Variants in UBASH3A observed in about 807,000 individuals in gnomAD.
UBASH3A encodes the protein ubiquitin associated and SH3 domain containing A.
In UBASH3A, 63 loss-of-function variants were observed where a neutral mutation model predicts 73.5. That is an observed-to-expected ratio of 0.86 (90% confidence interval 0.70 to 1.06). UBASH3A has a LOEUF of 1.06. Ranked by LOEUF, UBASH3A falls within the 50% of genes least tolerant of loss-of-function variation. UBASH3A has a pLI of 0.00. For missense variants in UBASH3A, 860 were observed against 859.0 expected (o/e 1.00, Z -0.02); for synonymous variants, 363 against 351.1 (o/e 1.03, Z -0.38).
At chr21:42,426,985 C>CG (rs370109517) in intron 8 of UBASH3A, among the ~76,000 whole-genome samples, 165 bp downstream of exon 8, 53 of 152,264 alleles carry the variant, frequency 3.5e-4, no homozygotes, top group Admixed American at 6.5e-4. Flanking sequence ...CTGAGGGTGC[C>CG]GGGGGTCCTG....
chr21:42,428,711 G>T (rs1373388777), intron 8 of UBASH3A, among the ~76,000 whole-genome samples: 2 of 151,932 alleles, frequency 1.3e-5, no homozygotes, highest in East Asian at 1.9e-4. Context: ...CAGGTATTGG[G>T]TAGGGGGAGA....
At chr21:42,420,781 AT>A (rs2053323142) in intron 7 of UBASH3A, among the ~76,000 whole-genome samples, 1 of 150,330 alleles carries the variant, frequency 6.7e-6, no homozygotes, top group Admixed American at 6.6e-5. Context: ...TTAAAAAAAA[AT>A]GCCTTCCAAC....
intron 5 of UBASH3A, 40 bp from the exon 6 acceptor site, chr21:42,416,402 A>G: frequency 6.6e-7 from 1 of 1,513,194 alleles, no homozygotes. Flanking sequence ...CATTTAGGTA[A>G]CGGTGTCCTG....
chr21:42,416,312 A>T, intron 5 of UBASH3A, 130 bp from the exon 6 acceptor site: 2 of 905,906 alleles, frequency 2.2e-6, no homozygotes, highest in Non-Finnish European at 3.1e-6. Context: ...TTATGATGTG[A>T]GTTCTGAGCG....
chr21:42,409,986 TCATCTTTG>T, intron 3 of UBASH3A: 1 of 678,612 alleles, frequency 1.5e-6, no homozygotes, highest in Admixed American at 2.1e-5. Context: ...GATACCTCAC[TCATCTTTG>T]CACCCCCAGA....
At chr21:42,441,718 G>T (rs974898924) in intron 11 of UBASH3A, among the ~76,000 whole-genome samples, 1 of 152,116 alleles carries the variant, frequency 6.6e-6, no homozygotes, top group African/African-American at 2.4e-5. Flanking sequence ...TTGGGGGCCT[G>T]ATTAACTTGC....
chr21:42,436,109 A>G (rs891506955), intron 10 of UBASH3A, among the ~76,000 whole-genome samples: 1 of 152,174 alleles, frequency 6.6e-6, no homozygotes, highest in Admixed American at 6.5e-5. Flanking sequence ...ATAGAGTTAT[A>G]GAGTCATAGT....
chr21:42,417,697 G>A (rs2053242903), intron 6 of UBASH3A: 1 of 151,884 alleles, frequency 6.6e-6, no homozygotes, highest in African/African-American at 2.4e-5. Context: ...TTCAGACCCA[G>A]AGAGCACGTG....
In UBASH3A at chr21:42,426,677, G is replaced by C; in HGVS notation, c.1047-20G>C. On this transcript the variant is annotated intron_variant, in intron 7 of 14. Transcript: ENST00000319294. ...ACATGGTCTCACTTCTGTTCAAGCCGTGCTTTCCTTCCCCTGCAGGATGTA... is the reference window on the plus strand; with the variant it reads ...ACATGGTCTCACTTCTGTTCAAGCCCTGCTTTCCTTCCCCTGCAGGATGTA... 6.2e-7 allele frequency: 1 copy of C among 1,612,676 alleles called. No individual in the cohort carries two copies. The highest frequency in any genetic ancestry group is 1.7e-4 in the Middle Eastern group (1 of 6,052).
At chr21:42,412,541 G>T (rs536439040) in intron 3 of UBASH3A, among the ~76,000 whole-genome samples, 7 of 152,306 alleles carry the variant, frequency 4.6e-5, no homozygotes, top group South Asian at 2.1e-4. Flanking sequence ...TGTGGAACCC[G>T]ACTCAGTGCT....
At chr21:42,417,158 C>T (rs937709942) in intron 6 of UBASH3A, among the ~76,000 whole-genome samples, 2 of 151,914 alleles carry the variant, frequency 1.3e-5, no homozygotes, top group Middle Eastern at 3.2e-3. Context: ...TGTGGTGGCT[C>T]ACACCTATAA....
intron 8 of UBASH3A, among the ~76,000 whole-genome samples, chr21:42,427,257 C>T (rs2053454199): frequency 6.6e-6 from 1 of 152,210 alleles, no homozygotes; most frequent in African/African-American, 2.4e-5. Context: ...CCTCATGGGG[C>T]ACATCCAGGA....
intron 7 of UBASH3A, among the ~76,000 whole-genome samples, chr21:42,421,104 G>C (rs778686674): frequency 2.0e-5 from 3 of 152,348 alleles, no homozygotes; most frequent in Admixed American, 6.5e-5. Flanking sequence ...GGTGGCTCTT[G>C]TGAGCTTTTT....
Position 42,416,538 on chromosome 21 carries a change from C to G in UBASH3A, c.764C>G (p.Ala255Gly), listed in dbSNP as rs768737719. 3 of 1,610,768 alleles carry G rather than the reference C, an allele frequency of 1.9e-6. No individual in the cohort carries two copies. The South Asian group carries it at 3.3e-5, about 18-fold the overall frequency. ...AGGACGCTGGAGCAGCTGGCCAGAG[C>G]CATCCCCCTGGGCCACAGCTGCCAG... ...HQRTLEQLARAIPLGHSCQWT... is the reference protein window; with the variant it reads ...HQRTLEQLARGIPLGHSCQWT... The change falls in exon 6 of 15, where the codon GCC (alanine) becomes GGC (glycine). Residue 255 changes from alanine to glycine, a missense_variant. Physicochemically the swap from Ala to Gly is moderately conservative, Grantham distance 60 (BLOSUM62 0). Transcript: ENST00000319294.
chr21:42,410,535 C>G (rs1601558296), intron 3 of UBASH3A: 1 of 350,690 alleles, frequency 2.9e-6, no homozygotes, highest in Admixed American at 4.6e-5. Context: ...AACCACCACC[C>G]CGGATTGCCC....
intron 9 of UBASH3A, among the ~76,000 whole-genome samples, chr21:42,434,173 C>T (rs990472076): frequency 2.0e-5 from 3 of 152,190 alleles, no homozygotes; most frequent in African/African-American, 7.2e-5. Flanking sequence ...GCAATCGCTA[C>T]TCTTTCCCTG....
At position 42,419,703 on chromosome 21, in the gene UBASH3A, A is replaced by G. The variant is rs2053296445; in HGVS notation, c.1046+1094A>G. ...ACATTTTAAGTTCAGAAGGTTTCCA[A>G]CTTACAATGGTTTGGCTTAGGATTT... On this transcript the variant is annotated intron_variant, in intron 7 of 14. Coordinates refer to ENST00000319294, the MANE Select transcript of UBASH3A (RefSeq NM_018961.4). Among the ~76,000 whole-genome samples, 3 of 152,326 alleles carry G rather than the reference A, an allele frequency of 2.0e-5. No individual in the cohort carries two copies. In the South Asian group the frequency reaches 6.2e-4, roughly 32 times the overall value.
At chr21:42,442,903 G>A (rs1326418153) in intron 12 of UBASH3A, among the ~76,000 whole-genome samples, 1 of 152,194 alleles carries the variant, frequency 6.6e-6, no homozygotes, top group Admixed American at 6.5e-5. Context: ...CACCTGGGGG[G>A]TGGTAGAGGA....
chr21:42,429,018 A>G (rs1315463975), intron 8 of UBASH3A, among the ~76,000 whole-genome samples: 1 of 152,170 alleles, frequency 6.6e-6, no homozygotes, highest in Non-Finnish European at 1.5e-5. Flanking sequence ...ATCCTGGGTC[A>G]TCCAGGAGGG....
Sources: gnomAD v4.1 joint callset for allele counts (sites outside exome capture counted in the v4.1 genomes callset) on GRCh38, gnomAD v4.1.1 for gene constraint, MANE v1.5 for transcripts, NCBI Gene and HGNC (gene_info 2026-07-23, HGNC 2026-07-21) for gene names.